NCOA1: variants seen among roughly 807,000 people sequenced by gnomAD.
NCOA1 encodes Hin-2 protein.
Under a neutral mutation model 150.9 loss-of-function variants are expected in NCOA1, and 35 were observed. The ratio of observed to expected loss-of-function variants is 0.23; its 90% CI spans 0.18 to 0.31. The LOEUF (loss-of-function observed/expected upper bound fraction) is 0.31, where lower values mean the gene tolerates loss of function less well. Among genes scored for constraint, NCOA1 ranks in the 10% least tolerant of loss-of-function variants. NCOA1 has a pLI of 1.00. For synonymous variants in NCOA1, 590 were observed against 630.0 expected (o/e 0.94, Z 0.95); for missense variants, 1,491 against 1,749.3 (o/e 0.85, Z 2.63).
At chr2:24,744,988 C>T (rs757710915) in intron 19 of NCOA1, among the ~76,000 whole-genome samples, 4 of 152,130 alleles carry the variant, frequency 2.6e-5, no homozygotes, top group South Asian at 2.1e-4. Context: ...TTGCCTTAGC[C>T]TCTTTCCACT....
chr2:24,576,149 G>GTTTTTTTTTTTT lies in NCOA1; in HGVS notation c.-259-8325_-259-8314dup, dbSNP rs1183405187. On this transcript the variant is annotated intron_variant, in intron 2 of 22. Transcript: ENST00000348332. Reference sequence around the variant, plus strand: ...GAGTTTCAGAAATTATTTGGCCTTTGTTTTTTTTTTTTTGTTTTTTGTTTT... The same window carrying GTTTTTTTTTTTT: ...GAGTTTCAGAAATTATTTGGCCTTTGTTTTTTTTTTTTTTTTTTTTTTTTTGTTTTTTGTTTT... 2.5e-3 allele frequency among the ~76,000 whole-genome samples: 234 copies of GTTTTTTTTTTTT among 93,976 alleles called. 24 individuals are homozygous for GTTTTTTTTTTTT. Among genetic ancestry groups the GTTTTTTTTTTTT allele is most frequent in the Non-Finnish European group, 3.4e-3 (168 of 48,846 alleles). 61.7% of individuals were successfully genotyped at this position (93,976 alleles called of 152,430 possible). A position where few individuals can be genotyped will look rare whatever the true frequency, so the allele number is the denominator to read the frequency against.
chr2:24,673,289 C>T (rs1402927915), intron 6 of NCOA1, 77 bp from the exon 7 acceptor site: 9 of 962,190 alleles, frequency 9.4e-6, no homozygotes, highest in Non-Finnish European at 1.4e-5. Context: ...TTTGGTGGAT[C>T]TATGTCTTCG....
chr2:24,504,531 G>A (rs1305729235), intron 1 of NCOA1, among the ~76,000 whole-genome samples: 1 of 152,148 alleles, frequency 6.6e-6, no homozygotes, highest in Non-Finnish European at 1.5e-5. Context: ...GACCCTGCTT[G>A]GAGTTATTGA....
Position 24,632,407 on chromosome 2 carries a change from T to C in NCOA1, c.-174-11559T>C, listed in dbSNP as rs189750045. On this transcript the variant is annotated intron_variant, in intron 3 of 22. Transcript: ENST00000348332. ...TAAAAAGCCACTAGATGCACTGATA[T>C]CCTTCTTCACTCTCTGTCACTGTGC... Among the ~76,000 whole-genome samples, 10 of 152,338 alleles carry C rather than the reference T, an allele frequency of 6.6e-5. No homozygotes were observed. In the East Asian group the frequency reaches 1.9e-3, roughly 29 times the overall value.
At position 24,613,874 on chromosome 2, in the gene NCOA1, A is replaced by T. The variant is rs557990016; in HGVS notation, c.-175+29314A>T. Among the ~76,000 whole-genome samples the T allele has an allele frequency of 7.2e-5, 11 of 152,194 alleles. No homozygotes were observed. The South Asian group carries it at 2.3e-3, about 32-fold the overall frequency. ...TGTGAAGCAGAGAAGGTCCTGCTGC[A>T]CCCCGACTTTTGAGTTTTAGGAGTA... On this transcript the variant is annotated intron_variant, in intron 3 of 22. Transcript: ENST00000348332.
rs148777144 is a variant in NCOA1, at chr2:24,532,843, T to G, written c.-395-31452T>G. 9.4e-3 allele frequency among the ~76,000 whole-genome samples: 1,432 copies of G among 152,350 alleles called. 21 individuals carry two copies. Among genetic ancestry groups the G allele is most frequent in the African/African-American group, 0.033 (1,365 of 41,570 alleles). ...GTTTAGGTACCATTACCATGCTGTTTTGGTTACTGTAGCCTTGTAGTATAG... is the reference window on the plus strand; with the variant it reads ...GTTTAGGTACCATTACCATGCTGTTGTGGTTACTGTAGCCTTGTAGTATAG... On this transcript the variant is annotated intron_variant, in intron 1 of 22. Transcript: ENST00000348332.
chr2:24,645,728 A>G (rs1394468289), intron 4 of NCOA1, among the ~76,000 whole-genome samples: 1 of 152,148 alleles, frequency 6.6e-6, no homozygotes, highest in African/African-American at 2.4e-5. Context: ...TGCTCCCGTG[A>G]GCATTTCCTT....
intron 13 of NCOA1, among the ~76,000 whole-genome samples, chr2:24,709,524 TTG>T (rs1157637729): frequency 6.6e-6 from 1 of 152,236 alleles, no homozygotes; most frequent in Non-Finnish European, 1.5e-5. Context: ...ATTTTGCTTA[TTG>T]ACTTTTAAGA....
chr2:24,748,352 C>T (rs1279375336), intron 19 of NCOA1, among the ~76,000 whole-genome samples: 1 of 152,130 alleles, frequency 6.6e-6, no homozygotes, highest in East Asian at 1.9e-4. Flanking sequence ...TGGCTCACGC[C>T]TGTAATCCCA....
At chr2:24,528,333 C>T (rs1291636988) in intron 1 of NCOA1, among the ~76,000 whole-genome samples, 2 of 146,020 alleles carry the variant, frequency 1.4e-5, no homozygotes, top group Non-Finnish European at 3.0e-5. Flanking sequence ...AAATAAGGGT[C>T]CAATTTCATT....
At chr2:24,661,709 T>G (rs867903180) in intron 5 of NCOA1, among the ~76,000 whole-genome samples, 1 of 152,214 alleles carries the variant, frequency 6.6e-6, no homozygotes, top group Non-Finnish European at 1.5e-5. Flanking sequence ...CTTGACTGTT[T>G]TTATTCCGTT....
At chr2:24,604,337 G>A (rs1338982737) in intron 3 of NCOA1, among the ~76,000 whole-genome samples, 1 of 152,166 alleles carries the variant, frequency 6.6e-6, no homozygotes, top group Non-Finnish European at 1.5e-5. Flanking sequence ...GAGTTAGCCT[G>A]TCCTCTGAAG....
Position 24,707,570 on chromosome 2 carries a change from A to G in NCOA1, c.2100A>G (p.Ser700=). 1 of 1,614,236 alleles carries G rather than the reference A, an allele frequency of 6.2e-7. No individual in the cohort carries two copies. The highest frequency in any genetic ancestry group is 8.5e-7 in the Non-Finnish European group (1 of 1,180,034). The change falls in exon 13 of 23, where the codon TCA becomes TCG. Residue 700 remains serine (S), a synonymous_variant. Coordinates refer to ENST00000348332, the MANE Select transcript of NCOA1 (RefSeq NM_003743.5). ...GGCTCTTACAGGAGGGTAGCCCCTC[A>G]GATATCACCACTTTGTCTGTCGAGC... ...LHRLLQEGSP[S]DITTLSVEPD... is the part of the protein sequence containing the mutation.
intron 1 of NCOA1, among the ~76,000 whole-genome samples, chr2:24,498,383 T>G (rs1179603009): frequency 6.6e-6 from 1 of 152,204 alleles, no homozygotes; most frequent in Admixed American, 6.5e-5. Flanking sequence ...AGAGAGGTGA[T>G]AAGACAAACA....
intron 3 of NCOA1, among the ~76,000 whole-genome samples, chr2:24,597,226 T>C (rs903794412): frequency 3.9e-5 from 6 of 152,136 alleles, no homozygotes; most frequent in Admixed American, 6.6e-5. Flanking sequence ...CCTTATGATG[T>C]TTACATGTTA....
Position 24,763,616 on chromosome 2 carries a change from C to CTCTTT in NCOA1, c.4155+841_4155+842insCTTTT, listed in dbSNP as rs1250283392. Among the ~76,000 whole-genome samples, 498 of 85,346 alleles carry CTCTTT rather than the reference C, an allele frequency of 5.8e-3. 8 individuals are homozygous for CTCTTT. The highest frequency in any genetic ancestry group is 0.019 in the African/African-American group (421 of 22,144). 56.0% of individuals were successfully genotyped at this position (85,346 alleles called of 152,430 possible). A position where few individuals can be genotyped will look rare whatever the true frequency, so the allele number is the denominator to read the frequency against. ...TTTGGTTGAACTTTGGTCTCTCTCT[C>CTCTTT]TTTTTTTTTTTTTTTTTTTTTTGAG... On this transcript the variant is annotated intron_variant, in intron 22 of 22. Coordinates refer to ENST00000348332, the MANE Select transcript of NCOA1 (RefSeq NM_003743.5).
At chr2:24,573,790 T>G (rs1210988926) in intron 2 of NCOA1, among the ~76,000 whole-genome samples, 2 of 151,958 alleles carry the variant, frequency 1.3e-5, no homozygotes, top group African/African-American at 4.8e-5. Context: ...ACAAAAAAAT[T>G]GCTTAAATAA....
intron 1 of NCOA1, among the ~76,000 whole-genome samples, chr2:24,533,476 A>G (rs1437615335): frequency 6.6e-6 from 1 of 152,122 alleles, no homozygotes; most frequent in Non-Finnish European, 1.5e-5. Flanking sequence ...AGAACTTCCA[A>G]CACTATGTAG....
chr2:24,551,997 A>G (rs1042444610), intron 1 of NCOA1, among the ~76,000 whole-genome samples: 6 of 151,958 alleles, frequency 3.9e-5, no homozygotes, highest in Non-Finnish European at 7.4e-5. Context: ...CTTCTATTCC[A>G]TTATCTTTGT....
Sources: allele counts gnomAD v4.1 joint callset (sites outside exome capture counted in the v4.1 genomes callset), GRCh38; gene constraint gnomAD v4.1.1; transcripts MANE v1.5; gene names NCBI Gene and HGNC (gene_info 2026-07-23, HGNC 2026-07-21).